UBE2E2: variants seen among roughly 807,000 people sequenced by gnomAD.
UBE2E2 encodes the protein ubiquitin-conjugating enzyme E2 E2.
A neutral mutation model predicts 24.7 loss-of-function variants in UBE2E2; 6 were observed. That is an observed-to-expected ratio of 0.24 (90% CI 0.13 to 0.48). The LOEUF (loss-of-function observed/expected upper bound fraction) is 0.48. Among genes scored for constraint, UBE2E2 ranks in the 20% least tolerant of loss-of-function variants. UBE2E2 has a pLI of 0.99. For missense variants in UBE2E2, 169 were observed against 245.0 expected, an observed-to-expected ratio of 0.69 and a Z score of 2.07; for synonymous variants, 104 against 83.6, an observed-to-expected ratio of 1.24 and a Z score of -1.33.
chr3:23,271,288 T>A (rs1698234416), intron 3 of UBE2E2: 1 of 298,194 alleles, frequency 3.4e-6, no homozygotes, highest in African/African-American at 2.2e-5. Flanking sequence ...TTCAGATGTT[T>A]CTGGAGTTTC....
intron 3 of UBE2E2, among the ~76,000 whole-genome samples, chr3:23,343,701 C>T (rs1270957046): frequency 2.0e-5 from 3 of 152,172 alleles, no homozygotes; most frequent in Admixed American, 2.0e-4. Flanking sequence ...AGAACATTGC[C>T]AGCCCTCCTT....
intron 4 of UBE2E2, among the ~76,000 whole-genome samples, chr3:23,521,547 C>A (rs1259025728): frequency 6.6e-6 from 1 of 152,060 alleles, no homozygotes; most frequent in Non-Finnish European, 1.5e-5. Context: ...TCAACATAGC[C>A]CCACATAATG....
intron 3 of UBE2E2, among the ~76,000 whole-genome samples, chr3:23,419,059 ACC>A (rs778102367): frequency 6.6e-5 from 10 of 151,896 alleles, no homozygotes; most frequent in Admixed American, 6.6e-4. Flanking sequence ...GCCCAAGGGA[ACC>A]TCCTGCTTCA....
At chr3:23,390,537 T>C (rs1696910131) in intron 3 of UBE2E2, among the ~76,000 whole-genome samples, 1 of 152,184 alleles carries the variant, frequency 6.6e-6, no homozygotes. Context: ...TGATCCTTCC[T>C]AGATGCTGAA....
rs1393882738 is a variant in UBE2E2 at position 23,590,095 on chromosome 3, C to T, written c.*264C>T. ...GATTTGGGATTTTTTCCCACCTCAT[C>T]ATAGATGGGAACTTTTGTTTTCAGT... On this transcript the variant is annotated 3_prime_UTR_variant, in exon 6 of 6. Transcript: ENST00000396703. The T allele has an allele frequency of 8.0e-6, 3 of 376,994 alleles. No individual in the cohort carries two copies. In the South Asian group the frequency reaches 2.2e-4, roughly 28 times the overall value. The allele number at this position is 376,994 out of a possible 1,614,324, so 23.4% of individuals were successfully genotyped here. A position where few individuals can be genotyped will look rare whatever the true frequency, so the allele number is the denominator to read the frequency against.
intron 3 of UBE2E2, among the ~76,000 whole-genome samples, chr3:23,492,567 C>T (rs1699521165): frequency 6.6e-6 from 1 of 152,154 alleles, no homozygotes; most frequent in Admixed American, 6.5e-5. Flanking sequence ...GTTTAGGTAT[C>T]CATTACCATT....
chr3:23,473,875 G>A (rs1559394823), intron 3 of UBE2E2, among the ~76,000 whole-genome samples: 1 of 152,006 alleles, frequency 6.6e-6, no homozygotes, highest in Admixed American at 6.5e-5. Context: ...GCATGTACAA[G>A]TACCTTTTTC....
intron 3 of UBE2E2, among the ~76,000 whole-genome samples, chr3:23,320,829 T>TATC (rs1455388083): frequency 1.3e-4 from 20 of 152,322 alleles, no homozygotes; most frequent in Admixed American, 1.1e-3. Flanking sequence ...TGTCTATTGG[T>TATC]ATCATACTCA....
chr3:23,561,581 T>C (rs1016057676), intron 5 of UBE2E2, among the ~76,000 whole-genome samples: 3 of 151,848 alleles, frequency 2.0e-5, no homozygotes, highest in Non-Finnish European at 4.4e-5. Context: ...ATATGAACTT[T>C]AAAGTAGTTT....
intron 3 of UBE2E2, among the ~76,000 whole-genome samples, chr3:23,422,302 G>A (rs992351694): frequency 2.6e-5 from 4 of 152,098 alleles, no homozygotes; most frequent in South Asian, 4.1e-4. Flanking sequence ...ACATGGGCAG[G>A]TTAAGTTCTT....
chr3:23,328,545 T>C (rs1318674386), intron 3 of UBE2E2, among the ~76,000 whole-genome samples: 1 of 152,238 alleles, frequency 6.6e-6, no homozygotes, highest in Non-Finnish European at 1.5e-5. Context: ...GGTATATAAA[T>C]GCATTTTTGA....
At chr3:23,317,677 A>G (rs1342677471) in intron 3 of UBE2E2, among the ~76,000 whole-genome samples, 1 of 152,070 alleles carries the variant, frequency 6.6e-6, no homozygotes, top group Non-Finnish European at 1.5e-5. Flanking sequence ...TTGTAAACCC[A>G]TCAGGTCTTA....
intron 3 of UBE2E2, among the ~76,000 whole-genome samples, chr3:23,382,117 T>C (rs1696683954): frequency 6.6e-6 from 1 of 152,198 alleles, no homozygotes; most frequent in Non-Finnish European, 1.5e-5. Context: ...TTAGGTATAT[T>C]TTATGAAATA....
intron 3 of UBE2E2, among the ~76,000 whole-genome samples, chr3:23,435,535 A>G (rs1698159133): frequency 6.6e-6 from 1 of 152,214 alleles, no homozygotes; most frequent in Admixed American, 6.5e-5. Context: ...CTATGTTCAC[A>G]GCTAAGGCAA....
intron 5 of UBE2E2, among the ~76,000 whole-genome samples, chr3:23,536,162 A>G (rs1424337565): frequency 1.3e-5 from 2 of 152,290 alleles, no homozygotes; most frequent in Admixed American, 6.5e-5. Flanking sequence ...AAACTCTTAG[A>G]TGTTTGGTAA....
rs75268798 is a variant in UBE2E2 at position 23,322,798 on chromosome 3, A to T, written c.227+105486A>T. Among the ~76,000 whole-genome samples, 27 of 152,114 alleles carry T rather than the reference A, an allele frequency of 1.8e-4. No individual in the cohort carries two copies. The East Asian group carries it at 5.0e-3, about 28-fold the overall frequency. ...ATTTTTTCAGAAAGCTTTCATAAAT[A>T]CAGTGTATTTTCTCTATAATTTAAT... is the stretch of plus-strand genomic sequence containing the variant. On this transcript the variant is annotated intron_variant, in intron 3 of 5. Coordinates refer to ENST00000396703, the MANE Select transcript of UBE2E2 (RefSeq NM_152653.4).
At chr3:23,441,326 C>T (rs1163397877) in intron 3 of UBE2E2, among the ~76,000 whole-genome samples, 1 of 147,634 alleles carries the variant, frequency 6.8e-6, no homozygotes, top group Non-Finnish European at 1.5e-5. Context: ...AGATCGAGAC[C>T]GTCCTGGCTA....
intron 4 of UBE2E2, among the ~76,000 whole-genome samples, chr3:23,521,900 C>A (rs566197161): frequency 1.3e-5 from 2 of 151,190 alleles, no homozygotes; most frequent in African/African-American, 2.4e-5. Flanking sequence ...CCCCCACCCC[C>A]CCAGCACTAA....
At chr3:23,471,967 TG>T (rs1431085720) in intron 3 of UBE2E2, among the ~76,000 whole-genome samples, 3 of 141,162 alleles carry the variant, frequency 2.1e-5, no homozygotes, top group African/African-American at 5.2e-5. Context: ...AAAACAAAAA[TG>T]GTTAAAGCCT....
Sources: gnomAD v4.1 joint callset for allele counts (sites outside exome capture counted in the v4.1 genomes callset) on GRCh38, gnomAD v4.1.1 for gene constraint, MANE v1.5 for transcripts, NCBI Gene and HGNC (gene_info 2026-07-23, HGNC 2026-07-21) for gene names.